SGSM2: variants seen among roughly 807,000 people sequenced by gnomAD.
The protein encoded by SGSM2 is RUN and TBC1 domain containing 1.
Under a neutral mutation model 126.6 loss-of-function variants are expected in SGSM2, and 89 were observed. The ratio of observed to expected loss-of-function variants is 0.70; its 90% CI spans 0.59 to 0.84. SGSM2 has a LOEUF of 0.84. Among genes scored for constraint, SGSM2 ranks in the 40% least tolerant of loss-of-function variants. SGSM2 has a pLI of 0.00. For synonymous variants in SGSM2, 614 were observed against 574.3 expected (o/e 1.07, Z -0.99); for missense variants, 1,404 against 1,416.6 (o/e 0.99, Z 0.14).
intron 11 of SGSM2, 103 bp downstream of exon 11, chr17:2,365,444 G>A: frequency 4.4e-6 from 6 of 1,354,634 alleles, no homozygotes; most frequent in Non-Finnish European, 4.9e-6. Context: ...CCACTGACCA[G>A]GCCAGGTTAA....
At chr17:2,378,766 T>C (rs969087637) in intron 22 of SGSM2, among the ~76,000 whole-genome samples, 1 of 152,148 alleles carries the variant, frequency 6.6e-6, no homozygotes, top group African/African-American at 2.4e-5. Context: ...AAGAAAAGGA[T>C]GGGGCCTTGG....
At chr17:2,341,780 T>C (rs564868409) in intron 1 of SGSM2, among the ~76,000 whole-genome samples, 1 of 152,330 alleles carries the variant, frequency 6.6e-6, no homozygotes, top group Admixed American at 6.5e-5. Context: ...TAAAGTGGTA[T>C]AACCAACTTT....
chr17:2,375,928 A>G, intron 18 of SGSM2, 53 bp downstream of exon 18: 1 of 1,509,850 alleles, frequency 6.6e-7, no homozygotes, highest in Admixed American at 2.2e-5. Flanking sequence ...CCCTCCTGAC[A>G]TCCCAGAGCT....
chr17:2,379,614 G>T lies in SGSM2; in HGVS notation c.*94G>T, dbSNP rs537588450. On this transcript the variant is annotated 3_prime_UTR_variant, in exon 24 of 24. Coordinates refer to ENST00000268989, the MANE Select transcript of SGSM2 (RefSeq NM_014853.3). ...GCCCAGACCTCCCCAGCCACCAACCGACCCCACCTCTGTTCCTAACAAAGC... is the reference window on the plus strand; with the variant it reads ...GCCCAGACCTCCCCAGCCACCAACCTACCCCACCTCTGTTCCTAACAAAGC... 2.0e-6 allele frequency: 3 copies of T among 1,525,416 alleles called. No individual in the cohort carries two copies. Among genetic ancestry groups the T allele is most frequent in the South Asian group, 1.2e-5 (1 of 82,934 alleles). 94.5% of individuals were successfully genotyped at this position (1,525,416 alleles called of 1,614,324 possible).
intron 17 of SGSM2, 40 bp from the exon 18 acceptor site, chr17:2,375,452 G>A (rs769488287): frequency 4.5e-6 from 7 of 1,568,518 alleles, no homozygotes; most frequent in Non-Finnish European, 6.1e-6. Flanking sequence ...GCGGGAAGGT[G>A]CTGGAGTGCA....
At position 2,367,462 on chromosome 17, in the gene SGSM2, G is replaced by T; in HGVS notation, c.1423+57G>T. 1.4e-6 allele frequency: 2 copies of T among 1,406,452 alleles called. No individual in the cohort carries two copies. Among genetic ancestry groups the T allele is most frequent in the Non-Finnish European group, 1.9e-6 (2 of 1,046,644 alleles). The allele number at this position is 1,406,452 out of a possible 1,614,324, so 87.1% of individuals were successfully genotyped here. On this transcript the variant is annotated intron_variant, in intron 12 of 23. Coordinates refer to ENST00000268989, the MANE Select transcript of SGSM2 (RefSeq NM_014853.3). This position sits in a 1 kb window ranked among gnomAD's most constrained non-coding sequence, Gnocchi z 4.0. The stretch of plus-strand genomic sequence containing the variant: ...CATCCCCACCCTCCCTCCCGGGCCC[G>T]CCTGCCACCCACCACAGGGGTTCGA...
chr17:2,377,863 G>A lies in SGSM2; in HGVS notation c.2809G>A (p.Asp937Asn). Residue 937 changes from aspartate (D) to asparagine (N), a missense_variant, in exon 22 of 24, where the codon GAC (aspartate) becomes AAC (asparagine). Coordinates refer to ENST00000268989, the MANE Select transcript of SGSM2 (RefSeq NM_014853.3). ...CTTTTCCCACCCACATAAGATCCTG[G>A]ACTCAGAGCTGTTTGAGCTGATGCA... ...ANMRSLIQILDSELFELMHQN... is the reference protein window; with the variant it reads ...ANMRSLIQILNSELFELMHQN... 6.2e-7 allele frequency: 1 copy of A among 1,607,572 alleles called. No individual in the cohort carries two copies. Among genetic ancestry groups the A allele is most frequent in the Non-Finnish European group, 8.5e-7 (1 of 1,174,246 alleles).
At chr17:2,370,667 C>T (rs559987973) in intron 12 of SGSM2, among the ~76,000 whole-genome samples, 2 of 152,352 alleles carry the variant, frequency 1.3e-5, no homozygotes, top group East Asian at 3.9e-4. Flanking sequence ...AGCAGGGGTA[C>T]CTGGCCTGGG....
chr17:2,364,009 G>A, intron 7 of SGSM2, 50 bp from the exon 8 acceptor site: 7 of 1,613,234 alleles, frequency 4.3e-6, no homozygotes, highest in Non-Finnish European at 5.9e-6. Flanking sequence ...GGCCATCCCT[G>A]AGAGCCTCTC....
At chr17:2,359,539 T>G (rs1375446606) in intron 2 of SGSM2, among the ~76,000 whole-genome samples, 2 of 152,162 alleles carry the variant, frequency 1.3e-5, no homozygotes, top group Non-Finnish European at 2.9e-5. Flanking sequence ...AAGGGGGGAC[T>G]GAGCGTGATG....
intron 8 of SGSM2, 57 bp downstream of exon 8, chr17:2,364,240 G>A (rs1327568486): frequency 2.3e-5 from 37 of 1,607,440 alleles, no homozygotes; most frequent in Non-Finnish European, 1.8e-5. Flanking sequence ...TTTGACCTCA[G>A]GCAGAGGGAT....
At chr17:2,376,852 G>C (rs769950682) in intron 20 of SGSM2, 37 bp downstream of exon 20, 3 of 1,613,206 alleles carry the variant, frequency 1.9e-6, no homozygotes, top group African/African-American at 1.3e-5. Context: ...GGCTGCGTAA[G>C]CTGGAGAAAG....
chr17:2,370,680 C>T (rs927189119), intron 12 of SGSM2, among the ~76,000 whole-genome samples: 3 of 152,202 alleles, frequency 2.0e-5, no homozygotes, highest in Admixed American at 6.5e-5. Flanking sequence ...GGCCTGGGCA[C>T]GGGGCACTGC....
At chr17:2,373,195 G>A in intron 16 of SGSM2, 114 bp downstream of exon 16, 3 of 1,551,402 alleles carry the variant, frequency 1.9e-6, no homozygotes, top group Non-Finnish European at 2.6e-6. Context: ...AGCATGGCAG[G>A]GCAGCTCCAC....
intron 19 of SGSM2, 140 bp from the exon 20 acceptor site, chr17:2,376,593 G>A (rs2066168324): frequency 1.1e-6 from 1 of 920,546 alleles, no homozygotes; most frequent in Admixed American, 1.9e-5. Context: ...GTCTCCCTGT[G>A]GGGGGTGCAC....
At chr17:2,340,788 G>GCA (rs1567795658) in intron 1 of SGSM2, among the ~76,000 whole-genome samples, 1 of 151,842 alleles carries the variant, frequency 6.6e-6, no homozygotes, top group Admixed American at 6.6e-5. Context: ...GTTTCACCAT[G>GCA]TTAGCCAGGA....
Position 2,363,506 on chromosome 17 carries a change from G to A in SGSM2, c.714G>A (p.Arg238=), listed in dbSNP as rs1450101702. 6.2e-7 allele frequency: 1 copy of A among 1,613,368 alleles called. No individual in the cohort carries two copies. Among genetic ancestry groups the A allele is most frequent in the Non-Finnish European group, 8.5e-7 (1 of 1,179,988 alleles). The part of the protein sequence containing the change: ...RHSSGSASED[R]LAACARECVE... ...CAAGCGGCAGCGCGTCGGAGGACAG[G>A]CTGGCTGCCTGTGCCCGCGAGTGTG... Residue 238 remains arginine (R), a synonymous_variant, in exon 7 of 24, where the codon AGG becomes AGA. Coordinates refer to ENST00000268989, the MANE Select transcript of SGSM2 (RefSeq NM_014853.3). The surrounding 1 kb of genome is among the most constrained non-coding windows in gnomAD (Gnocchi z 4.2).
Position 2,380,063 on chromosome 17 carries a change from C to G in SGSM2, c.*543C>G. On this transcript the variant is annotated 3_prime_UTR_variant, in exon 24 of 24. Transcript: ENST00000268989. The stretch of plus-strand genomic sequence containing the variant: ...GCGGGAGACCCGGGCACGGGAGACC[C>G]GGGCCGCCTTCAGGCCGCTCCCCCG... 1.4e-6 allele frequency: 2 copies of G among 1,413,494 alleles called. No individual in the cohort carries two copies. Among genetic ancestry groups the G allele is most frequent in the Non-Finnish European group, 1.8e-6 (2 of 1,088,472 alleles). 87.6% of individuals were successfully genotyped at this position (1,413,494 alleles called of 1,614,324 possible).
chr17:2,371,923 T>A (rs2065889769), intron 13 of SGSM2: 1 of 519,900 alleles, frequency 1.9e-6, no homozygotes, highest in African/African-American at 2.0e-5. Context: ...TCTCCATTTT[T>A]CACATGAGGA....
Sources: gnomAD v4.1 joint callset for allele counts (sites outside exome capture counted in the v4.1 genomes callset) on GRCh38, gnomAD v4.1.1 for gene constraint, Gnocchi (gnomAD v3.1) non-coding constraint, MANE v1.5 for transcripts, NCBI Gene and HGNC (gene_info 2026-07-23, HGNC 2026-07-21) for gene names.